The following HDAC9 variants were observed in gnomAD, a reference collection of about 807,000 sequenced individuals.
HDAC9 encodes MEF-2 interacting transcription repressor (MITR) protein.
In HDAC9, 41 loss-of-function variants were observed where a neutral mutation model predicts 139.4. The ratio of observed to expected loss-of-function variants is 0.29; its 90% CI spans 0.23 to 0.38. HDAC9 has a LOEUF of 0.38. HDAC9 is among the 10% of genes least tolerant of loss of function. The pLI is 1.00. For missense variants in HDAC9, 1,147 were observed against 1,297.0 expected (o/e 0.88, Z 1.78); for synonymous variants, 517 against 476.2 (o/e 1.09, Z -1.12).
chr7:18,791,491 A>G (rs1792305573), intron 16 of HDAC9, among the ~76,000 whole-genome samples: 1 of 152,162 alleles, frequency 6.6e-6, no homozygotes, highest in Non-Finnish European at 1.5e-5. Flanking sequence ...TTAAACAACT[A>G]CTTATTTATA....
intron 1 of HDAC9, among the ~76,000 whole-genome samples, chr7:18,096,230 A>C (rs1562614183): frequency 6.6e-6 from 1 of 152,204 alleles, no homozygotes; most frequent in Non-Finnish European, 1.5e-5. Context: ...TGATGATTAT[A>C]ACCTCTATAG....
intron 24 of HDAC9, among the ~76,000 whole-genome samples, chr7:18,965,085 T>A (rs755197583): frequency 1.2e-4 from 19 of 152,236 alleles, no homozygotes; most frequent in Admixed American, 2.6e-4. Context: ...TAGCTTCTGA[T>A]TAATGCACTC....
intron 16 of HDAC9, among the ~76,000 whole-genome samples, chr7:18,783,644 A>C (rs951720432): frequency 2.0e-5 from 3 of 148,454 alleles, no homozygotes; most frequent in African/African-American, 7.4e-5. Flanking sequence ...GAATCAACTC[A>C]ACTAGTTCTG....
chr7:18,302,659 T>A (rs1798618823), intron 1 of HDAC9, among the ~76,000 whole-genome samples: 1 of 152,218 alleles, frequency 6.6e-6, no homozygotes, highest in African/African-American at 2.4e-5. Flanking sequence ...TTCATTTGTT[T>A]CAGTTTCTTC....
intron 25 of HDAC9, among the ~76,000 whole-genome samples, chr7:18,983,632 G>T (rs1267638288): frequency 2.0e-5 from 3 of 152,146 alleles, no homozygotes; most frequent in Non-Finnish European, 2.9e-5. Flanking sequence ...GGGTTGTAGG[G>T]AAGTCATATG....
At chr7:18,829,112 T>C in intron 17 of HDAC9, 49 bp from the exon 18 acceptor site, 2 of 1,339,070 alleles carry the variant, frequency 1.5e-6, no homozygotes, top group South Asian at 1.2e-5. Context: ...ATCCCTCTCC[T>C]ACCCTCTCCA....
chr7:18,286,508 T>C (rs934173572), upstream of HDAC9, among the ~76,000 whole-genome samples: 2 of 151,350 alleles, frequency 1.3e-5, no homozygotes, highest in Non-Finnish European at 2.9e-5. Flanking sequence ...TTTCAGGATA[T>C]TGTGTTTTGG....
chr7:18,630,578 A>G (rs1180533462), intron 7 of HDAC9, among the ~76,000 whole-genome samples: 1 of 152,128 alleles, frequency 6.6e-6, no homozygotes, highest in Non-Finnish European at 1.5e-5. Flanking sequence ...TTATATGCTT[A>G]TCTGAAGAAA....
intron 22 of HDAC9, among the ~76,000 whole-genome samples, chr7:18,880,897 T>C (rs1246722768): frequency 6.7e-6 from 1 of 149,658 alleles, no homozygotes; most frequent in Non-Finnish European, 1.5e-5. Context: ...CCATCTTTTT[T>C]TTAAACAGAA....
At chr7:18,663,686 A>T (rs1793922376) in intron 11 of HDAC9, among the ~76,000 whole-genome samples, 1 of 152,104 alleles carries the variant, frequency 6.6e-6, no homozygotes, top group Non-Finnish European at 1.5e-5. Context: ...GCAGGTTCCC[A>T]GTAACTTTTC....
intron 2 of HDAC9, among the ~76,000 whole-genome samples, chr7:18,572,665 T>G (rs1346506718): frequency 1.3e-5 from 2 of 152,180 alleles, no homozygotes; most frequent in African/African-American, 4.8e-5. Context: ...AGATTTCATT[T>G]TTAGGTACAT....
At chr7:18,578,947 G>A (rs917776756) in intron 2 of HDAC9, among the ~76,000 whole-genome samples, 16 of 152,204 alleles carry the variant, frequency 1.1e-4, no homozygotes, top group Non-Finnish European at 1.9e-4. Context: ...AATCAGTATT[G>A]AGTATTGCTA....
chr7:18,125,744 A>C (rs1784625306), intron 1 of HDAC9, among the ~76,000 whole-genome samples: 1 of 152,156 alleles, frequency 6.6e-6, no homozygotes, highest in Non-Finnish European at 1.5e-5. Context: ...AGCCATGCAC[A>C]ATAGCTAAGC....
chr7:18,272,495 T>G (rs906950040), intron 2 of HDAC9, among the ~76,000 whole-genome samples: 2 of 152,154 alleles, frequency 1.3e-5, no homozygotes, highest in African/African-American at 4.8e-5. Flanking sequence ...AAATGTTTAA[T>G]GAGATGTGTA....
At chr7:18,341,953 A>G (rs1782046848) in intron 1 of HDAC9, among the ~76,000 whole-genome samples, 1 of 151,584 alleles carries the variant, frequency 6.6e-6, no homozygotes, top group Admixed American at 6.6e-5. Context: ...TAGGGCTATT[A>G]CTTCTCACTA....
intron 2 of HDAC9, among the ~76,000 whole-genome samples, chr7:18,510,405 G>T (rs1026362735): frequency 6.6e-6 from 1 of 152,054 alleles, no homozygotes; most frequent in African/African-American, 2.4e-5. Flanking sequence ...ATTTAGTTGT[G>T]AAAATGATTA....
intron 1 of HDAC9, among the ~76,000 whole-genome samples, chr7:18,351,585 C>T (rs965764962): frequency 1.1e-4 from 16 of 152,012 alleles, no homozygotes; most frequent in Non-Finnish European, 4.4e-5. Context: ...AGTTAGGAAC[C>T]AGGACGCTGA....
chr7:18,507,375 A>T lies in HDAC9; in HGVS notation c.22+11051A>T, dbSNP rs577088225. ...CCGGCTAGTTTTTTTTTGTATTTTT[A>T]GTAGAGACGGGGTTTCACCATGTTA... On this transcript the variant is annotated intron_variant, in intron 2 of 25. Transcript: ENST00000686413. 7.3e-5 allele frequency among the ~76,000 whole-genome samples: 11 copies of T among 151,214 alleles called. No individual in the cohort carries two copies. The East Asian group carries it at 2.1e-3, about 29-fold the overall frequency.
chr7:18,955,603 G>A (rs544466471), intron 24 of HDAC9, among the ~76,000 whole-genome samples: 9 of 152,162 alleles, frequency 5.9e-5, no homozygotes, highest in African/African-American at 1.9e-4. Flanking sequence ...AATTACCAAG[G>A]CACAGAGGTT....
Sources: gnomAD v4.1 joint callset for allele counts (sites outside exome capture counted in the v4.1 genomes callset) on GRCh38, gnomAD v4.1.1 for gene constraint, MANE v1.5 for transcripts, NCBI Gene and HGNC (gene_info 2026-07-23, HGNC 2026-07-21) for gene names.